RTL4: variants seen among roughly 807,000 people sequenced by gnomAD.
The protein encoded by RTL4 is retrotransposon Gag-like protein 4.
Under a neutral mutation model 5.3 loss-of-function variants are expected in RTL4, and 4 were observed. The ratio of observed to expected loss-of-function variants is 0.75; its 90% CI spans 0.37 to 1.72. RTL4 has a LOEUF of 1.72. Among genes scored for constraint, RTL4 ranks in the 40% most tolerant of loss-of-function variants. The pLI is 0.04. For missense variants in RTL4, 260 were observed against 227.1 expected (o/e 1.14, Z -0.93); for synonymous variants, 98 against 87.3 (o/e 1.12, Z -0.68).
chrX:112,138,496 C>T, the RTL4 span, among the ~76,000 whole-genome samples: 49 of 111,327 alleles, frequency 4.4e-4, no homozygotes, highest in South Asian at 4.1e-3. Context: ...GATGGTTTCA[C>T]TAGAGTGTAC....
At chrX:112,264,414 T>C in the RTL4 span, among the ~76,000 whole-genome samples, 6 of 111,617 alleles carry the variant, frequency 5.4e-5, no homozygotes, top group African/African-American at 1.6e-4. Flanking sequence ...CAGATGATGA[T>C]GATCATGATA....
chrX:112,204,651 G>A, the RTL4 span, among the ~76,000 whole-genome samples: 5 of 111,698 alleles, frequency 4.5e-5, no homozygotes, highest in African/African-American at 1.3e-4. Context: ...GAGAGTAGAA[G>A]GATGGTTACC....
chrX:112,301,749 G>T, the RTL4 span, among the ~76,000 whole-genome samples: 15 of 109,292 alleles, frequency 1.4e-4, no homozygotes, highest in South Asian at 5.7e-3. Context: ...TATCACTTGA[G>T]TCCAGAAGTT....
chrX:112,417,803 A>G, the RTL4 span, among the ~76,000 whole-genome samples: 1 of 111,471 alleles, frequency 9.0e-6, no homozygotes, highest in Non-Finnish European at 1.9e-5. Context: ...AATTAAAACC[A>G]AACAAAACAA....
At chrX:112,310,641 TA>T in the RTL4 span, among the ~76,000 whole-genome samples, 14 of 63,245 alleles carry the variant, frequency 2.2e-4, no homozygotes, top group African/African-American at 9.8e-4. Context: ...TTATATATTA[TA>T]TATATTTATA....
At chrX:112,379,330 G>C in the RTL4 span, among the ~76,000 whole-genome samples, 1 of 111,972 alleles carries the variant, frequency 8.9e-6, no homozygotes, top group African/African-American at 3.2e-5. Flanking sequence ...GATTACATAG[G>C]CCTGGAAAAC....
At chrX:112,396,134 G>C in the RTL4 span, among the ~76,000 whole-genome samples, 1 of 110,918 alleles carries the variant, frequency 9.0e-6, no homozygotes, top group East Asian at 2.9e-4. Flanking sequence ...TGCTGGAATG[G>C]GCAATTCTCT....
At chrX:112,455,064 C>G in exon 1 of RTL4, 1 of 1,211,569 alleles carries the variant, frequency 8.3e-7, no homozygotes, top group Non-Finnish European at 1.1e-6. Flanking sequence ...GTTGTGGGAT[C>G]ATATCTGGGC....
the RTL4 span, among the ~76,000 whole-genome samples, chrX:112,358,148 G>T: frequency 9.1e-6 from 1 of 109,647 alleles, no homozygotes; most frequent in Admixed American, 9.8e-5. Flanking sequence ...TCACTCTGTT[G>T]TCCACGCTGT....
At chrX:112,164,463 T>G in the RTL4 span, among the ~76,000 whole-genome samples, 1 of 112,042 alleles carries the variant, frequency 8.9e-6, no homozygotes, top group Non-Finnish European at 1.9e-5. Flanking sequence ...TCTCAATACT[T>G]TAGTCAGCTG....
At chrX:112,354,683 G>A in the RTL4 span, among the ~76,000 whole-genome samples, 2 of 111,186 alleles carry the variant, frequency 1.8e-5, no homozygotes. Context: ...TTTTACTCCA[G>A]TAGCCATTCC....
At chrX:112,171,997 C>T in the RTL4 span, among the ~76,000 whole-genome samples, 2,710 of 111,444 alleles carry the variant, frequency 0.024, 74 homozygotes, top group African/African-American at 0.083. Context: ...GTAGAAGGAA[C>T]TTAAACAAAT....
chrX:112,397,081 G>A, the RTL4 span, among the ~76,000 whole-genome samples: 4 of 111,704 alleles, frequency 3.6e-5, no homozygotes, highest in East Asian at 1.1e-3. Context: ...TATTGTCTTT[G>A]GAAAGATGGC....
chrX:112,352,484 T>C, the RTL4 span, among the ~76,000 whole-genome samples: 18 of 110,910 alleles, frequency 1.6e-4, no homozygotes, highest in African/African-American at 5.2e-4. Context: ...AAAACAGAGA[T>C]ATACATCAAT....
chrX:112,294,776 G>A, the RTL4 span, among the ~76,000 whole-genome samples: 5 of 111,922 alleles, frequency 4.5e-5, no homozygotes, highest in African/African-American at 1.3e-4. Flanking sequence ...TTTTCTTGGT[G>A]TTTTTTAGAT....
chrX:112,228,153 T>C, the RTL4 span, among the ~76,000 whole-genome samples: 1 of 111,170 alleles, frequency 9.0e-6, no homozygotes, highest in African/African-American at 3.3e-5. Flanking sequence ...TACCTGTGGA[T>C]GCTGGGAACC....
chrX:112,443,351 G>A, the RTL4 span, among the ~76,000 whole-genome samples: 11 of 111,757 alleles, frequency 9.8e-5, no homozygotes, highest in South Asian at 4.2e-3. Flanking sequence ...CACTTAGCTT[G>A]CTTCCAATTC....
chrX:112,436,172 G>A, the RTL4 span, among the ~76,000 whole-genome samples: 247 of 110,037 alleles, frequency 2.2e-3, 1 homozygote, highest in African/African-American at 8.0e-3. Flanking sequence ...AGCCGAGATC[G>A]TGCCACTGCA....
chrX:112,311,512 T>C, the RTL4 span, among the ~76,000 whole-genome samples: 1 of 110,742 alleles, frequency 9.0e-6, no homozygotes, highest in Non-Finnish European at 1.9e-5. Flanking sequence ...ACGAAGTGTA[T>C]GTGGGAGCAG....
Sources: gnomAD v4.1 joint callset for allele counts (sites outside exome capture counted in the v4.1 genomes callset) on GRCh38, gnomAD v4.1.1 for gene constraint, MANE v1.5 for transcripts, NCBI Gene and HGNC (gene_info 2026-07-23, HGNC 2026-07-21) for gene names.